Variants in IP6K1 observed in about 807,000 individuals in gnomAD.
IP6K1 encodes the protein inositol hexakisphosphate kinase 1, also known as ATP:1D-myo-inositol-hexakisphosphate phosphotransferase.
A neutral mutation model predicts 38.3 loss-of-function variants in IP6K1; 13 were observed. The ratio of observed to expected loss-of-function variants is 0.34; its 90% CI spans 0.22 to 0.54. The LOEUF (loss-of-function observed/expected upper bound fraction) is 0.54, where lower values mean the gene tolerates loss of function less well. Among genes scored for constraint, IP6K1 ranks in the 20% least tolerant of loss-of-function variants. The pLI, the probability that IP6K1 is intolerant of heterozygous loss-of-function variation, is 0.92. For synonymous variants in IP6K1, 212 were observed against 229.9 expected (o/e 0.92, Z 0.70); for missense variants, 397 against 599.8 (o/e 0.66, Z 3.53).
At chr3:49,766,356 C>T (rs1285992137) in intron 1 of IP6K1, among the ~76,000 whole-genome samples, 3 of 144,668 alleles carry the variant, frequency 2.1e-5, no homozygotes, top group African/African-American at 5.1e-5. Flanking sequence ...GTGACAAGAG[C>T]GAAACTCTGT....
At position 49,773,708 on chromosome 3, in the gene IP6K1, T is replaced by C. The variant is rs566471960; in HGVS notation, c.-129+12646A>G. ...GCTTTTTAATATTCATTATATTTTCTATGCTAGTGAACTCACTTTAATTTT... is the reference window on the plus strand; with the variant it reads ...GCTTTTTAATATTCATTATATTTTCCATGCTAGTGAACTCACTTTAATTTT... On this transcript the variant is annotated intron_variant, in intron 1 of 5. Transcript: ENST00000321599. 2.0e-5 allele frequency among the ~76,000 whole-genome samples: 3 copies of C among 152,360 alleles called. No individual in the cohort carries two copies. The East Asian group carries it at 5.8e-4, about 29-fold the overall frequency.
Position 49,725,184 on chromosome 3 carries a change from C to T in IP6K1, c.*1938G>A, listed in dbSNP as rs1420702950. The T allele has an allele frequency of 6.6e-6, 1 of 152,652 alleles. No homozygotes were observed. Among genetic ancestry groups the T allele is most frequent in the African/African-American group, 2.4e-5 (1 of 41,452 alleles). The allele number at this position is 152,652 out of a possible 1,614,324, so 9.5% of individuals were successfully genotyped here. A position where few individuals can be genotyped will look rare whatever the true frequency, so the allele number is the denominator to read the frequency against. On this transcript the variant is annotated 3_prime_UTR_variant, in exon 6 of 6. Transcript: ENST00000321599. ...GAATGTAAGTGGGTGCAGCTTTGCTCGCTGTGAGGAGCAGCAGAATGCGGC... is the reference window on the plus strand; with the variant it reads ...GAATGTAAGTGGGTGCAGCTTTGCTTGCTGTGAGGAGCAGCAGAATGCGGC...
At chr3:49,781,589 T>C (rs949652087) in intron 1 of IP6K1, among the ~76,000 whole-genome samples, 2 of 152,160 alleles carry the variant, frequency 1.3e-5, no homozygotes, top group African/African-American at 2.4e-5. Flanking sequence ...ATGAGAGGAT[T>C]TGTGCAGAGA....
At chr3:49,755,622 A>G (rs149055728) in intron 1 of IP6K1, among the ~76,000 whole-genome samples, 1 of 152,202 alleles carries the variant, frequency 6.6e-6, no homozygotes, top group Non-Finnish European at 1.5e-5. Context: ...CTGATAAGTC[A>G]CTCTAACAGA....
intron 4 of IP6K1, among the ~76,000 whole-genome samples, 189 bp downstream of exon 4, chr3:49,732,602 C>T (rs2080572368): frequency 6.6e-6 from 1 of 152,188 alleles, no homozygotes; most frequent in East Asian, 1.9e-4. Context: ...AAGCTTCGGC[C>T]TTACCAAATC....
intron 1 of IP6K1, among the ~76,000 whole-genome samples, chr3:49,750,316 A>G (rs2080761779): frequency 1.3e-5 from 2 of 152,090 alleles, no homozygotes; most frequent in Non-Finnish European, 2.9e-5. Flanking sequence ...GAGAGTGCTA[A>G]ATTTTCTAGC....
Position 49,786,513 on chromosome 3 carries a change from T to C in IP6K1, c.-288A>G, listed in dbSNP as rs563409221. On this transcript the variant is annotated 5_prime_UTR_variant, in exon 1 of 6. Coordinates refer to ENST00000321599, the MANE Select transcript of IP6K1 (RefSeq NM_153273.4). ...TGGTCCAGCTCCCGGCGCTGCCCAC[T>C]GGGTACGGATCAACAACAAGATGGC... 13 of 152,560 alleles carry C rather than the reference T, an allele frequency of 8.5e-5. No homozygotes were observed. Among genetic ancestry groups the C allele is most frequent in the African/African-American group, 2.9e-4 (12 of 41,574 alleles). 9.5% of individuals were successfully genotyped at this position (152,560 alleles called of 1,614,324 possible).
At chr3:49,762,240 C>G (rs1016715820) in intron 1 of IP6K1, among the ~76,000 whole-genome samples, 1 of 152,138 alleles carries the variant, frequency 6.6e-6, no homozygotes, top group Admixed American at 6.6e-5. Flanking sequence ...GCAAGAGCCA[C>G]AAGCATCTTT....
chr3:49,738,903 C>A (rs898651559), intron 2 of IP6K1, among the ~76,000 whole-genome samples: 19 of 152,314 alleles, frequency 1.2e-4, no homozygotes, highest in African/African-American at 4.6e-4. Flanking sequence ...TCTGCCCACA[C>A]TGAGCATCAG....
chr3:49,748,238 A>C (rs1559707407), intron 1 of IP6K1, 70 bp from the exon 2 acceptor site: 1 of 608,740 alleles, frequency 1.6e-6, no homozygotes, highest in Non-Finnish European at 2.9e-6. Context: ...GAGCTCCATG[A>C]GTGAGAGCAG....
At chr3:49,782,177 C>CT (rs113029787) in intron 1 of IP6K1, among the ~76,000 whole-genome samples, 53 of 148,492 alleles carry the variant, frequency 3.6e-4, no homozygotes, top group Admixed American at 1.2e-3. Context: ...TCTGCTTTTT[C>CT]TTTTTTTTTT....
At chr3:49,732,416 C>T (rs539706847) in intron 4 of IP6K1, among the ~76,000 whole-genome samples, 43 of 152,252 alleles carry the variant, frequency 2.8e-4, no homozygotes, top group Non-Finnish European at 5.6e-4. Flanking sequence ...CCACTAGCCA[C>T]ACTAGCCACA....
chr3:49,780,497 G>A (rs906490268), intron 1 of IP6K1, among the ~76,000 whole-genome samples: 1 of 152,296 alleles, frequency 6.6e-6, no homozygotes, highest in African/African-American at 2.4e-5. Context: ...AGAAACAAGA[G>A]TGTACTGTGC....
At chr3:49,734,311 C>G (rs1215613893) in intron 3 of IP6K1, among the ~76,000 whole-genome samples, 2 of 151,486 alleles carry the variant, frequency 1.3e-5, no homozygotes, top group Admixed American at 1.3e-4. Context: ...CCAAGAAAAC[C>G]AAACTACTGG....
chr3:49,756,817 C>CA (rs59808252), intron 1 of IP6K1, among the ~76,000 whole-genome samples: 11 of 133,252 alleles, frequency 8.3e-5, no homozygotes, highest in African/African-American at 1.7e-4. Flanking sequence ...AACTCCATCT[C>CA]AAAAAAAAAA....
At chr3:49,771,904 C>G (rs557516898) in intron 1 of IP6K1, among the ~76,000 whole-genome samples, 6 of 152,106 alleles carry the variant, frequency 3.9e-5, no homozygotes, top group Admixed American at 3.9e-4. Context: ...AAACACTACA[C>G]TGTGTGAAAG....
At chr3:49,773,373 G>A (rs1277510630) in intron 1 of IP6K1, among the ~76,000 whole-genome samples, 1 of 152,198 alleles carries the variant, frequency 6.6e-6, no homozygotes, top group Non-Finnish European at 1.5e-5. Flanking sequence ...CACTTTGGGA[G>A]GCCGAGGTGG....
chr3:49,738,459 C>CA (rs1559704082), intron 2 of IP6K1, 37 bp from the exon 3 acceptor site: 6 of 1,528,850 alleles, frequency 3.9e-6, no homozygotes, highest in Admixed American at 3.3e-5. Context: ...CAAATGTCAA[C>CA]ACAGGCCGAG....
At chr3:49,750,143 G>T (rs2080760388) in intron 1 of IP6K1, among the ~76,000 whole-genome samples, 1 of 152,150 alleles carries the variant, frequency 6.6e-6, no homozygotes, top group African/African-American at 2.4e-5. Flanking sequence ...AAATAGAGTT[G>T]CTGGATTGTG....
Sources: gnomAD v4.1 joint callset for allele counts (sites outside exome capture counted in the v4.1 genomes callset) on GRCh38, gnomAD v4.1.1 for gene constraint, MANE v1.5 for transcripts, NCBI Gene and HGNC (gene_info 2026-07-23, HGNC 2026-07-21) for gene names.